Variants in PPP6R3 observed in about 807,000 individuals in gnomAD.
PPP6R3 encodes the protein protein phosphatase 6 regulatory subunit 3, also known as serine/threonine-protein phosphatase 6 regulatory subunit 3.
Under a neutral mutation model 110.7 loss-of-function variants are expected in PPP6R3, and 38 were observed. The ratio of observed to expected loss-of-function variants is 0.34; its 90% CI spans 0.26 to 0.45. The LOEUF is 0.45. PPP6R3 is among the 20% of genes least tolerant of loss of function. PPP6R3 has a pLI of 1.00. For synonymous variants in PPP6R3, 369 were observed against 373.5 expected (o/e 0.99, Z 0.14); for missense variants, 870 against 1,062.4 (o/e 0.82, Z 2.52).
rs541911536 is a variant in PPP6R3, at chr11:68,533,534, T to C, written c.-6-4125T>C. ...TCCTGAGCAACATAGTGAGAACCTG[T>C]CTCTACAGAAGTACAAAAAAATTAG... On this transcript the variant is annotated intron_variant, in intron 2 of 23. Coordinates refer to ENST00000393800, the MANE Select transcript of PPP6R3 (RefSeq NM_001164161.2). Among the ~76,000 whole-genome samples the C allele has an allele frequency of 2.0e-5, 3 of 151,760 alleles. No individual in the cohort carries two copies. In the East Asian group the frequency reaches 5.8e-4, roughly 29 times the overall value.
At chr11:68,573,620 A>T (rs2099519185) in intron 12 of PPP6R3, among the ~76,000 whole-genome samples, 1 of 152,204 alleles carries the variant, frequency 6.6e-6, no homozygotes, top group Non-Finnish European at 1.5e-5. Context: ...TTAACTTGAG[A>T]CATGTCATTG....
intron 1 of PPP6R3, among the ~76,000 whole-genome samples, chr11:68,513,393 C>T (rs946574215): frequency 3.9e-5 from 6 of 152,032 alleles, no homozygotes; most frequent in African/African-American, 1.4e-4. Flanking sequence ...TGCAAAAAGG[C>T]TGTGATAAGT....
intron 9 of PPP6R3, among the ~76,000 whole-genome samples, chr11:68,566,118 A>G (rs1208124128): frequency 6.6e-6 from 1 of 152,204 alleles, no homozygotes; most frequent in Admixed American, 6.5e-5. Context: ...GATTGATCAC[A>G]TTTCAGGTTT....
intron 6 of PPP6R3, among the ~76,000 whole-genome samples, chr11:68,553,575 G>A (rs2099389080): frequency 6.6e-6 from 1 of 152,112 alleles, no homozygotes. Flanking sequence ...TTACAGGTGT[G>A]AGCCACTGCA....
At chr11:68,590,810 C>T in intron 17 of PPP6R3, 96 bp downstream of exon 17, 2 of 1,338,216 alleles carry the variant, frequency 1.5e-6, no homozygotes, top group Non-Finnish European at 2.0e-6. Flanking sequence ...CCCCTGTGCT[C>T]TAGAGCCCTA....
chr11:68,491,581 C>G (rs893552465), intron 1 of PPP6R3, among the ~76,000 whole-genome samples: 12 of 151,928 alleles, frequency 7.9e-5, no homozygotes, highest in Admixed American at 5.9e-4. Flanking sequence ...AACTTCTGGG[C>G]TCAAGCAGTC....
chr11:68,540,052 G>A (rs1043689685), intron 3 of PPP6R3, among the ~76,000 whole-genome samples: 16 of 152,180 alleles, frequency 1.1e-4, no homozygotes, highest in Non-Finnish European at 2.2e-4. Flanking sequence ...AGGGAAAATG[G>A]AAGGAGGGAG....
At chr11:68,559,214 A>T (rs1290304807) in intron 8 of PPP6R3, among the ~76,000 whole-genome samples, 1 of 152,218 alleles carries the variant, frequency 6.6e-6, no homozygotes, top group South Asian at 2.1e-4. Context: ...TTTGAGGACA[A>T]ATTTCTTCTA....
intron 22 of PPP6R3, among the ~76,000 whole-genome samples, chr11:68,604,515 G>T (rs1938329494): frequency 6.6e-6 from 1 of 152,208 alleles, no homozygotes; most frequent in Admixed American, 6.5e-5. Context: ...GGGACCTACA[G>T]TTGCTATTTG....
chr11:68,613,863 A>G lies in PPP6R3; in HGVS notation c.*746A>G. The G allele has an allele frequency of 1.0e-6, 1 of 983,308 alleles. No individual in the cohort carries two copies. Among genetic ancestry groups the G allele is most frequent in the Non-Finnish European group, 1.2e-6 (1 of 829,274 alleles). The allele number at this position is 983,308 out of a possible 1,614,324, so 60.9% of individuals were successfully genotyped here. ...TGATTATTCCTACAAGTGAAACACT[A>G]GACTATTTGGAGTGTATATGGCTTG... On this transcript the variant is annotated 3_prime_UTR_variant, in exon 24 of 24. Coordinates refer to ENST00000393800, the MANE Select transcript of PPP6R3 (RefSeq NM_001164161.2).
chr11:68,524,726 G>A (rs2099187210), intron 2 of PPP6R3, among the ~76,000 whole-genome samples: 2 of 152,256 alleles, frequency 1.3e-5, no homozygotes, highest in African/African-American at 2.4e-5. Context: ...GTGTCAAACA[G>A]TGTGACTGCT....
chr11:68,568,713 C>G (rs1373277337), intron 10 of PPP6R3, among the ~76,000 whole-genome samples: 1 of 151,992 alleles, frequency 6.6e-6, no homozygotes, highest in African/African-American at 2.4e-5. Context: ...GCATCTCATA[C>G]AATACCCTGC....
chr11:68,564,121 T>C (rs1417209814), intron 8 of PPP6R3, among the ~76,000 whole-genome samples, 182 bp from the exon 9 acceptor site: 1 of 152,214 alleles, frequency 6.6e-6, no homozygotes, highest in Non-Finnish European at 1.5e-5. Flanking sequence ...TTGCAGGTTA[T>C]AGAGTCTGAG....
chr11:68,594,322 AAG>A (rs535164223), intron 18 of PPP6R3, among the ~76,000 whole-genome samples: 24 of 125,444 alleles, frequency 1.9e-4, no homozygotes, highest in African/African-American at 3.3e-4. Flanking sequence ...GAGAGAGAAA[AAG>A]AGAGAGAGAG....
Position 68,507,352 on chromosome 11 carries a change from CTGAT to C in PPP6R3, c.-157-12145_-157-12142del, listed in dbSNP as rs1189925499. On this transcript the variant is annotated intron_variant, in intron 1 of 23. Coordinates refer to ENST00000393800, the MANE Select transcript of PPP6R3 (RefSeq NM_001164161.2). ...AAATGGTTGGTGTTTCTGAAATTGG[CTGAT>C]TGAGTTGCCTGTCTATAGTTATTTT... 4.0e-5 allele frequency among the ~76,000 whole-genome samples: 6 copies of C among 149,686 alleles called. No individual in the cohort carries two copies. In the Admixed American group the frequency reaches 4.0e-4, roughly 10 times the overall value.
At chr11:68,600,123 A>T (rs946356122) in intron 19 of PPP6R3, among the ~76,000 whole-genome samples, 16 of 152,056 alleles carry the variant, frequency 1.1e-4, no homozygotes, top group Non-Finnish European at 1.6e-4. Context: ...CTCCATCTCA[A>T]AAAAATAATA....
At chr11:68,593,463 G>A (rs113055525) in intron 18 of PPP6R3, among the ~76,000 whole-genome samples, 1 of 152,238 alleles carries the variant, frequency 6.6e-6, no homozygotes, top group African/African-American at 2.4e-5. Flanking sequence ...GTTGTTTCTG[G>A]TTTGAGGCCT....
At chr11:68,536,225 C>T (rs992536974) in intron 2 of PPP6R3, among the ~76,000 whole-genome samples, 1 of 151,886 alleles carries the variant, frequency 6.6e-6, no homozygotes, top group Non-Finnish European at 1.5e-5. Flanking sequence ...AGCATAAAAT[C>T]AGGATGTATT....
chr11:68,477,728 T>TAAAAAAAAAA (rs1181714569), intron 1 of PPP6R3, among the ~76,000 whole-genome samples: 4 of 77,410 alleles, frequency 5.2e-5, no homozygotes, highest in East Asian at 3.3e-4. Flanking sequence ...CATTGTCTCT[T>TAAAAAAAAAA]AAAAAAAAAA....
Sources: gnomAD v4.1 joint callset for allele counts (sites outside exome capture counted in the v4.1 genomes callset) on GRCh38, gnomAD v4.1.1 for gene constraint, MANE v1.5 for transcripts, NCBI Gene and HGNC (gene_info 2026-07-23, HGNC 2026-07-21) for gene names.